Variants in ABCA13 observed in about 807,000 individuals in gnomAD.
The protein encoded by ABCA13 is ATP-binding cassette sub-family A member 13.
In ABCA13, 476 loss-of-function variants were observed where a neutral mutation model predicts 478.7. That is an observed-to-expected ratio of 0.99 (90% CI 0.92 to 1.07). The LOEUF is 1.07. ABCA13 is among the 50% of genes least tolerant of loss of function. The pLI is 0.00. For synonymous variants in ABCA13, 2,252 were observed against 2,158.9 expected (o/e 1.04, Z -1.20); for missense variants, 6,060 against 5,910.6 (o/e 1.03, Z -0.83).
At chr7:48,642,262 G>A (rs1795149462) in intron 59 of ABCA13, among the ~76,000 whole-genome samples, 1 of 152,132 alleles carries the variant, frequency 6.6e-6, no homozygotes, top group Non-Finnish European at 1.5e-5. Flanking sequence ...ACATTGTCTT[G>A]GGTCCCCTGT....
chr7:48,601,333 C>T (rs1252943463), intron 58 of ABCA13, among the ~76,000 whole-genome samples: 4 of 152,018 alleles, frequency 2.6e-5, no homozygotes, highest in Non-Finnish European at 4.4e-5. Flanking sequence ...ACCCATCAAC[C>T]TGTCATCTAC....
At chr7:48,629,019 A>G (rs1185266175) in intron 59 of ABCA13, among the ~76,000 whole-genome samples, 1 of 152,196 alleles carries the variant, frequency 6.6e-6, no homozygotes, top group African/African-American at 2.4e-5. Flanking sequence ...GACAGGGTGA[A>G]GCCTGCTTTC....
chr7:48,527,604 TCAAGAA>T (rs1322437670), intron 54 of ABCA13, among the ~76,000 whole-genome samples: 1 of 152,166 alleles, frequency 6.6e-6, no homozygotes, highest in Non-Finnish European at 1.5e-5. Context: ...CGAGATTTGA[TCAAGAA>T]CTGAGTTGAC....
chr7:48,261,153 T>C (rs1023321663), intron 15 of ABCA13, among the ~76,000 whole-genome samples: 2 of 151,984 alleles, frequency 1.3e-5, no homozygotes, highest in Non-Finnish European at 2.9e-5. Context: ...TGATAGCTTT[T>C]AGCTGTGAGC....
At chr7:48,613,815 T>A (rs1326897327) in intron 58 of ABCA13, among the ~76,000 whole-genome samples, 2 of 148,924 alleles carry the variant, frequency 1.3e-5, no homozygotes, top group African/African-American at 4.9e-5. Flanking sequence ...AAATGTAAAA[T>A]TTTGATTAGA....
At chr7:48,344,681 A>T (rs555298369) in intron 29 of ABCA13, among the ~76,000 whole-genome samples, 1 of 152,160 alleles carries the variant, frequency 6.6e-6, no homozygotes, top group East Asian at 1.9e-4. Flanking sequence ...ATATTGTGAG[A>T]TGAAGCAACC....
At position 48,298,449 on chromosome 7, in the gene ABCA13, A is replaced by G; in HGVS notation, c.9283A>G (p.Ile3095Val). ...RSSIQISNET[I>V]HSILEANISH... ...TTCCATCCAAATCTCGAATGAGACT[A>G]TCCATAGCATTCTAGAAGCAAATAT... The change falls in exon 23 of 62, where the codon ATC becomes GTC. Residue 3095 changes from isoleucine (I) to valine (V), a missense_variant. This residue lies in a region of ABCA13 where 4,423 missense variants were observed against 4,309.1 expected (regional missense o/e 1.03). Coordinates refer to ENST00000435803, the MANE Select transcript of ABCA13 (RefSeq NM_152701.5). The G allele has an allele frequency of 1.2e-6, 2 of 1,613,638 alleles. No homozygotes were observed. The highest frequency in any genetic ancestry group is 1.7e-6 in the Non-Finnish European group (2 of 1,179,700).
intron 48 of ABCA13, among the ~76,000 whole-genome samples, chr7:48,493,915 A>G (rs767744000): frequency 6.6e-6 from 1 of 152,178 alleles, no homozygotes; most frequent in African/African-American, 2.4e-5. Context: ...TCATATTCTG[A>G]CCACTGAAGC....
intron 41 of ABCA13, among the ~76,000 whole-genome samples, chr7:48,416,462 G>A (rs1820004163): frequency 6.6e-6 from 1 of 151,728 alleles, no homozygotes; most frequent in African/African-American, 2.4e-5. Flanking sequence ...CTCCCTCACT[G>A]CACTCACTGC....
chr7:48,330,266 C>G (rs1183566894), intron 27 of ABCA13, among the ~76,000 whole-genome samples: 1 of 151,702 alleles, frequency 6.6e-6, no homozygotes, highest in Admixed American at 6.6e-5. Flanking sequence ...TTCATTCATC[C>G]ATCCATCCAC....
intron 48 of ABCA13, among the ~76,000 whole-genome samples, chr7:48,493,173 G>T (rs963424599): frequency 6.6e-6 from 1 of 152,118 alleles, no homozygotes; most frequent in Non-Finnish European, 1.5e-5. Context: ...TTATACTACT[G>T]ATGTTTGTGT....
intron 58 of ABCA13, among the ~76,000 whole-genome samples, chr7:48,609,130 T>A (rs909042901): frequency 6.6e-6 from 1 of 152,270 alleles, no homozygotes; most frequent in Middle Eastern, 3.4e-3. Flanking sequence ...TTTGCTGGAG[T>A]TTGCTGGCAT....
intron 19 of ABCA13, among the ~76,000 whole-genome samples, chr7:48,287,217 A>T (rs2128801129): frequency 6.6e-6 from 1 of 152,342 alleles, no homozygotes; most frequent in South Asian, 2.1e-4. Context: ...GCATGACTGC[A>T]GAGAGGTGGA....
At chr7:48,492,558 T>C (rs182042971) in intron 48 of ABCA13, among the ~76,000 whole-genome samples, 1 of 152,180 alleles carries the variant, frequency 6.6e-6, no homozygotes, top group African/African-American at 2.4e-5. Context: ...TGGTCCGCAG[T>C]GTAACAGTGT....
chr7:48,519,904 G>T, intron 52 of ABCA13, 137 bp from the exon 53 acceptor site: 2 of 852,278 alleles, frequency 2.3e-6, no homozygotes, highest in Admixed American at 3.2e-5. Context: ...ATGGCTGTCT[G>T]AGAATATCAG....
At chr7:48,408,213 C>A (rs1353719317) in intron 39 of ABCA13, among the ~76,000 whole-genome samples, 2 of 152,216 alleles carry the variant, frequency 1.3e-5, no homozygotes, top group South Asian at 4.1e-4. Flanking sequence ...TATCCCTTAA[C>A]TAACATCTCC....
At position 48,646,006 on chromosome 7, in the gene ABCA13, A is replaced by G. The variant is rs907018329; in HGVS notation, c.*494A>G. ...TCTATTTACTAGATACATGTTTTTA[A>G]TGATTTTAATGTAAGCTTTTATTAA... On this transcript the variant is annotated 3_prime_UTR_variant, in exon 62 of 62. Transcript: ENST00000435803. The G allele has an allele frequency of 2.6e-5, 4 of 153,858 alleles. No individual in the cohort carries two copies. The highest frequency in any genetic ancestry group is 5.8e-5 in the Non-Finnish European group (4 of 69,306). The allele number at this position is 153,858 out of a possible 1,614,324, so 9.5% of individuals were successfully genotyped here.
At chr7:48,243,342 A>G (rs1241861706) in intron 10 of ABCA13, among the ~76,000 whole-genome samples, 1 of 152,172 alleles carries the variant, frequency 6.6e-6, no homozygotes, top group African/African-American at 2.4e-5. Flanking sequence ...TCCAAGTGCC[A>G]CTCTGCTTCC....
At chr7:48,346,094 A>T (rs1584946457) in intron 29 of ABCA13, among the ~76,000 whole-genome samples, 1 of 152,318 alleles carries the variant, frequency 6.6e-6, no homozygotes, top group African/African-American at 2.4e-5. Context: ...AGGCTGTACC[A>T]TCTAGGATTG....
Sources: allele counts gnomAD v4.1 joint callset (sites outside exome capture counted in the v4.1 genomes callset), GRCh38; gene constraint gnomAD v4.1.1; regional missense constraint gnomAD v4.1.1; transcripts MANE v1.5; gene names NCBI Gene and HGNC (gene_info 2026-07-23, HGNC 2026-07-21).